SPPL3: variants seen among roughly 807,000 people sequenced by gnomAD.
SPPL3 encodes signal peptide peptidase-like 3.
SPPL3 carries 5 observed loss-of-function variants against 42.4 expected under a neutral mutation model. The observed-to-expected ratio is 0.12, with a 90% confidence interval of 0.06 to 0.25. The LOEUF (loss-of-function observed/expected upper bound fraction) is 0.25. Ranked by LOEUF, SPPL3 falls within the 10% of genes least tolerant of loss-of-function variation. The pLI, the probability that SPPL3 is intolerant of heterozygous loss-of-function variation, is 1.00. For missense variants in SPPL3, 235 were observed against 489.0 expected, an observed-to-expected ratio of 0.48 and a Z score of 4.90; for synonymous variants, 195 against 181.8, an observed-to-expected ratio of 1.07 and a Z score of -0.58.
chr12:120,788,539 T>A (rs968180555), intron 3 of SPPL3, among the ~76,000 whole-genome samples: 3 of 152,168 alleles, frequency 2.0e-5, no homozygotes, highest in Non-Finnish European at 2.9e-5. Flanking sequence ...TTCTCCTAGC[T>A]CCTATTATAA....
Position 120,837,620 on chromosome 12 carries a change from C to T in SPPL3, c.24-26734G>A, listed in dbSNP as rs184869858. 7.8e-4 allele frequency among the ~76,000 whole-genome samples: 119 copies of T among 152,196 alleles called. 1 individual carries two copies. The highest frequency in any genetic ancestry group is 2.4e-3 in the African/African-American group (101 of 41,514). Reference sequence around the variant, plus strand: ...TTCCATTTATTATCAGAAGGGAATGCGATTCCTGTAAGTCAAACAGATAAC... The same window carrying T: ...TTCCATTTATTATCAGAAGGGAATGTGATTCCTGTAAGTCAAACAGATAAC... On this transcript the variant is annotated intron_variant, in intron 1 of 10. Coordinates refer to ENST00000353487, the MANE Select transcript of SPPL3 (RefSeq NM_139015.5).
In SPPL3 at chr12:120,828,463, T is replaced by C. The variant is rs1047236076; in HGVS notation, c.24-17577A>G. On this transcript the variant is annotated intron_variant, in intron 1 of 10. Transcript: ENST00000353487. ...CTCAAATCAAATAGAAGGAAGGAAG[T>C]AATACAGAGCAGAAATCAATGAGAC... is the stretch of plus-strand genomic sequence containing the variant. Among the ~76,000 whole-genome samples the C allele has an allele frequency of 2.7e-5, 4 of 149,658 alleles. No homozygotes were observed. The South Asian group carries it at 6.5e-4, about 24-fold the overall frequency.
At chr12:120,877,776 C>T (rs1460711137) in intron 1 of SPPL3, among the ~76,000 whole-genome samples, 7 of 120,848 alleles carry the variant, frequency 5.8e-5, no homozygotes, top group Admixed American at 3.0e-4. Flanking sequence ...AGTGAAACTC[C>T]GTCTTAAAAA....
chr12:120,766,106 A>ATG (rs1566035760), intron 10 of SPPL3, among the ~76,000 whole-genome samples, 157 bp downstream of exon 10: 34 of 37,330 alleles, frequency 9.1e-4, no homozygotes, highest in South Asian at 3.0e-3. Flanking sequence ...GCGCGCACAC[A>ATG]CACACACACA....
chr12:120,791,678 C>G, intron 2 of SPPL3, 121 bp from the exon 3 acceptor site: 1 of 660,226 alleles, frequency 1.5e-6, no homozygotes, highest in Non-Finnish European at 2.6e-6. Context: ...TTGAACAACT[C>G]TGAAAAATAG....
intron 6 of SPPL3, among the ~76,000 whole-genome samples, chr12:120,779,820 CAAAAAAAAAAAA>C (rs1164272443): frequency 2.8e-4 from 12 of 42,778 alleles, no homozygotes; most frequent in East Asian, 1.7e-3. Context: ...ACTAAAAATA[CAAAAAAAAAAAA>C]AAAAAAAAAA....
chr12:120,804,000 G>A (rs528475367), intron 2 of SPPL3, among the ~76,000 whole-genome samples: 2 of 152,148 alleles, frequency 1.3e-5, no homozygotes, highest in Admixed American at 1.3e-4. Flanking sequence ...TAGAATGAAG[G>A]GCATCACAAT....
intron 2 of SPPL3, among the ~76,000 whole-genome samples, chr12:120,806,808 C>CT (rs1370710109): frequency 6.6e-6 from 1 of 150,678 alleles, no homozygotes; most frequent in African/African-American, 2.4e-5. Context: ...GATCACACCA[C>CT]TGCACTCCAG....
intron 1 of SPPL3, among the ~76,000 whole-genome samples, chr12:120,877,973 T>A (rs1268914802): frequency 6.7e-6 from 1 of 150,006 alleles, no homozygotes; most frequent in African/African-American, 2.5e-5. Context: ...AGTGAGCCAC[T>A]GCACCACTGC....
intron 1 of SPPL3, among the ~76,000 whole-genome samples, chr12:120,859,111 T>C (rs576905068): frequency 6.6e-6 from 1 of 152,226 alleles, no homozygotes; most frequent in South Asian, 2.1e-4. Flanking sequence ...AACATACAGA[T>C]TAAGTGTTCT....
chr12:120,766,095 C>CGT (rs1370604429), intron 10 of SPPL3, among the ~76,000 whole-genome samples, 168 bp downstream of exon 10: 4 of 94,028 alleles, frequency 4.3e-5, no homozygotes, highest in Non-Finnish European at 4.0e-5. Context: ...GGGTAGCGCG[C>CGT]GCGCGCACAC....
At position 120,766,314 on chromosome 12, in the gene SPPL3, G is replaced by T. The variant is rs775318395; in HGVS notation, c.1032C>A (p.Leu344=). 10 of 1,601,532 alleles carry T rather than the reference G, an allele frequency of 6.2e-6. No homozygotes were observed. The highest frequency in any genetic ancestry group is 3.5e-5 in the Admixed American group (2 of 57,820). ...RIHRAAQPAL[L]YLVPFTLLPL... ...GCAATAAAGTAAATGGCACCAAATAGAGAAGGGCGGGCTGGGCGGCCCGGT... is the reference window on the plus strand; with the variant it reads ...GCAATAAAGTAAATGGCACCAAATATAGAAGGGCGGGCTGGGCGGCCCGGT... The change falls in exon 10 of 11, where the codon CTC becomes CTA. Residue 344 remains leucine, a synonymous_variant. Coordinates refer to ENST00000353487, the MANE Select transcript of SPPL3 (RefSeq NM_139015.5).
intron 2 of SPPL3, among the ~76,000 whole-genome samples, chr12:120,801,306 TCTCATA>T (rs1374260925): frequency 1.3e-5 from 2 of 152,156 alleles, no homozygotes; most frequent in African/African-American, 4.8e-5. Context: ...CTTCTCTCTC[TCTCATA>T]ATCTGTCTCA....
intron 1 of SPPL3, among the ~76,000 whole-genome samples, chr12:120,898,360 T>C (rs925198745): frequency 8.2e-5 from 12 of 145,740 alleles, no homozygotes; most frequent in African/African-American, 3.1e-4. Flanking sequence ...AGCAGCCACC[T>C]ATTTATATCT....
intron 5 of SPPL3, among the ~76,000 whole-genome samples, chr12:120,783,467 A>G (rs755023422): frequency 5.9e-5 from 9 of 152,226 alleles, no homozygotes; most frequent in African/African-American, 2.2e-4. Flanking sequence ...AGACTTCCTA[A>G]GTTTTGTTTG....
At chr12:120,809,890 AAGCCTTTG>A (rs1870626452) in intron 2 of SPPL3, among the ~76,000 whole-genome samples, 1 of 152,204 alleles carries the variant, frequency 6.6e-6, no homozygotes, top group South Asian at 2.1e-4. Flanking sequence ...CTTGGATGTC[AAGCCTTTG>A]GATTAAGAAA....
chr12:120,772,263 C>T (rs1725873243), intron 6 of SPPL3, among the ~76,000 whole-genome samples: 1 of 152,180 alleles, frequency 6.6e-6, no homozygotes, highest in South Asian at 2.1e-4. Context: ...CTCAGGTGAT[C>T]CACCCACCCC....
Position 120,891,736 on chromosome 12 carries a change from T to TAA in SPPL3, c.23+12107_23+12108dup, listed in dbSNP as rs5801407. 2.6e-3 allele frequency among the ~76,000 whole-genome samples: 346 copies of TAA among 134,640 alleles called. 1 individual carries two copies. The highest frequency in any genetic ancestry group is 9.2e-3 in the African/African-American group (332 of 36,130). 88.3% of individuals were successfully genotyped at this position (134,640 alleles called of 152,430 possible). ...TTCCCTAAGACTGTTTTGCAAATTC[T>TAA]AAAAAAAAAAAAAAAAAAAAGCAGC... On this transcript the variant is annotated intron_variant, in intron 1 of 10. Coordinates refer to ENST00000353487, the MANE Select transcript of SPPL3 (RefSeq NM_139015.5).
chr12:120,858,805 C>T (rs73214896), intron 1 of SPPL3, among the ~76,000 whole-genome samples: 6,874 of 152,214 alleles, frequency 0.045, 190 homozygotes, highest in South Asian at 0.12. Context: ...GAGAATATCA[C>T]TAGTCTCTGA....
Sources: allele counts gnomAD v4.1 joint callset (sites outside exome capture counted in the v4.1 genomes callset), GRCh38; gene constraint gnomAD v4.1.1; transcripts MANE v1.5; gene names NCBI Gene and HGNC (gene_info 2026-07-23, HGNC 2026-07-21).